Variants in CAMK2B observed in about 807,000 individuals in gnomAD.
The protein encoded by CAMK2B is calcium/calmodulin-dependent protein kinase type II subunit beta.
In CAMK2B, 27 loss-of-function variants were observed where a neutral mutation model predicts 93.7. That is an observed-to-expected ratio of 0.29 (90% confidence interval 0.21 to 0.40). The LOEUF (loss-of-function observed/expected upper bound fraction) is 0.40, where lower values mean the gene tolerates loss of function less well. CAMK2B is among the 10% of genes least tolerant of loss of function. CAMK2B has a pLI of 1.00. For missense variants in CAMK2B, 568 were observed against 895.8 expected, an observed-to-expected ratio of 0.63 and a Z score of 4.67; for synonymous variants, 374 against 358.8, an observed-to-expected ratio of 1.04 and a Z score of -0.48.
chr7:44,234,817 GC>G, intron 13 of CAMK2B, 141 bp from the exon 14 acceptor site: 1 of 870,156 alleles, frequency 1.1e-6, no homozygotes, highest in South Asian at 1.6e-5. Context: ...CAGCACCCAG[GC>G]TGGCTCTGAG....
At chr7:44,234,254 C>T (rs943588968) in intron 15 of CAMK2B, 136 bp downstream of exon 15, 15 of 712,008 alleles carry the variant, frequency 2.1e-5, no homozygotes, top group Non-Finnish European at 3.2e-5. Context: ...GGATGAGGGG[C>T]GGGGGCCATG....
chr7:44,234,184 C>A (rs2096604265), intron 15 of CAMK2B, among the ~76,000 whole-genome samples: 2 of 152,226 alleles, frequency 1.3e-5, no homozygotes, highest in African/African-American at 4.8e-5. Context: ...AGTCCTAAAC[C>A]TGTCTGAATT....
chr7:44,220,679 C>G lies in CAMK2B; in HGVS notation c.1705G>C (p.Glu569Gln). The G allele has an allele frequency of 6.2e-7, 1 of 1,613,578 alleles. No individual in the cohort carries two copies. Among genetic ancestry groups the G allele is most frequent in the Non-Finnish European group, 8.5e-7 (1 of 1,179,884 alleles). ...KICDPGLTSF[E>Q]PEALGNLVEG... ...ACCAGGTTGCCCAGTGCTTCAGGCTCAAACGAGGTCAGCCCTGGGTCACAG... is the reference window on the plus strand; with the variant it reads ...ACCAGGTTGCCCAGTGCTTCAGGCTGAAACGAGGTCAGCCCTGGGTCACAG... The change falls in exon 22 of 24, where the codon GAG (glutamate) becomes CAG (glutamine). Residue 569 changes from glutamate (E) to glutamine (Q), a missense_variant. Physicochemically the swap from Glu to Gln is conservative, Grantham distance 29 (BLOSUM62 2). Coordinates refer to ENST00000395749, the MANE Select transcript of CAMK2B (RefSeq NM_001220.5).
In CAMK2B at chr7:44,248,361, CGAGAGCCCGTGG is replaced by C. The variant is rs1395049599; in HGVS notation, c.342-1181_342-1170del. ...AGGGCCACGGAGCCCCTGCACACAC[CGAGAGCCCGTGG>C]CTTGAATCTGCTTCTGCCCAGGTGC... On this transcript the variant is annotated intron_variant, in intron 5 of 23. Coordinates refer to ENST00000395749, the MANE Select transcript of CAMK2B (RefSeq NM_001220.5). This position sits in a 1 kb window ranked among gnomAD's most constrained non-coding sequence, Gnocchi z 4.1. Among the ~76,000 whole-genome samples, 2 of 152,186 alleles carry C rather than the reference CGAGAGCCCGTGG, an allele frequency of 1.3e-5. No homozygotes were observed. Among genetic ancestry groups the C allele is most frequent in the African/African-American group, 4.8e-5 (2 of 41,452 alleles).
At chr7:44,237,332 G>A (rs1168067261) in intron 13 of CAMK2B, among the ~76,000 whole-genome samples, 5 of 152,222 alleles carry the variant, frequency 3.3e-5, no homozygotes, top group African/African-American at 9.7e-5. Context: ...CACAGCAGCA[G>A]TGGGAAATAA....
intron 1 of CAMK2B, among the ~76,000 whole-genome samples, chr7:44,294,857 T>C (rs568160796): frequency 3.9e-5 from 6 of 152,270 alleles, no homozygotes; most frequent in Non-Finnish European, 1.5e-5. Flanking sequence ...GTCAGCTGGG[T>C]CCCAGCAAAC....
intron 1 of CAMK2B, among the ~76,000 whole-genome samples, chr7:44,309,517 G>A (rs1051770757): frequency 2.0e-5 from 3 of 152,162 alleles, no homozygotes; most frequent in Non-Finnish European, 2.9e-5. Context: ...CAGCTCCGTC[G>A]CGCCCCTAAG....
chr7:44,232,183 G>A (rs2096585945), intron 16 of CAMK2B, among the ~76,000 whole-genome samples: 2 of 102,040 alleles, frequency 2.0e-5, no homozygotes, highest in South Asian at 8.0e-4. Flanking sequence ...AGGAAGTGGG[G>A]GGTCCCCACA....
intron 5 of CAMK2B, among the ~76,000 whole-genome samples, chr7:44,251,120 T>C (rs1220984869): frequency 6.6e-6 from 1 of 152,012 alleles, no homozygotes; most frequent in Non-Finnish European, 1.5e-5. Context: ...ATTAGTACAC[T>C]TGCCCTGGCT....
chr7:44,281,808 C>T (rs546229719), intron 2 of CAMK2B, among the ~76,000 whole-genome samples: 3 of 152,278 alleles, frequency 2.0e-5, no homozygotes, highest in Non-Finnish European at 2.9e-5. Flanking sequence ...CAGAGCTCAT[C>T]GAAGCTGACC....
chr7:44,244,833 G>A (rs915111790), intron 6 of CAMK2B: 3 of 424,392 alleles, frequency 7.1e-6, no homozygotes, highest in Non-Finnish European at 1.4e-5. Context: ...GGATGAGGCC[G>A]TGTGCCCCCT....
intron 9 of CAMK2B, 63 bp downstream of exon 9, chr7:44,242,497 G>A (rs1302824169): frequency 4.0e-6 from 6 of 1,512,416 alleles, no homozygotes; most frequent in Middle Eastern, 1.8e-4. Context: ...CTCTTCCCAC[G>A]CTGCCCTCAC....
intron 2 of CAMK2B, among the ~76,000 whole-genome samples, chr7:44,280,799 G>A (rs575559400): frequency 6.6e-6 from 1 of 152,250 alleles, no homozygotes; most frequent in African/African-American, 2.4e-5. Context: ...AACATCACCC[G>A]AGCACAAGAC....
chr7:44,324,158 A>G (rs1796866115), intron 1 of CAMK2B, among the ~76,000 whole-genome samples: 2 of 152,224 alleles, frequency 1.3e-5, no homozygotes, highest in South Asian at 4.1e-4. Flanking sequence ...CTCCACAATT[A>G]TCAATGATCA....
rs2096445193 is a variant in CAMK2B, at chr7:44,224,033, G to T, written c.1597+2483C>A. On this transcript the variant is annotated intron_variant, in intron 20 of 23. Coordinates refer to ENST00000395749, the MANE Select transcript of CAMK2B (RefSeq NM_001220.5). This position sits in a 1 kb window ranked among gnomAD's most constrained non-coding sequence, Gnocchi z 4.4. ...AAGTGAAACTAATCTTCTGTTTAAT[G>T]AAGTAATATGCAGTGCTTTTAAACA... is the stretch of plus-strand genomic sequence containing the variant. Among the ~76,000 whole-genome samples the T allele has an allele frequency of 6.6e-6, 1 of 152,246 alleles. No individual in the cohort carries two copies. Among genetic ancestry groups the T allele is most frequent in the African/African-American group, 2.4e-5 (1 of 41,468 alleles).
intron 6 of CAMK2B, among the ~76,000 whole-genome samples, chr7:44,245,935 G>GGT (rs1169736907): frequency 6.6e-6 from 1 of 152,112 alleles, no homozygotes; most frequent in Non-Finnish European, 1.5e-5. Flanking sequence ...CCTTGGGGAA[G>GGT]GTGGGGTTGA....
intron 1 of CAMK2B, among the ~76,000 whole-genome samples, chr7:44,317,212 C>T (rs1795006909): frequency 6.8e-6 from 1 of 146,906 alleles, no homozygotes; most frequent in Non-Finnish European, 1.5e-5. Context: ...ACAGCTATGA[C>T]TGTAACTATT....
chr7:44,254,702 C>A (rs2096816792), intron 4 of CAMK2B, 95 bp from the exon 5 acceptor site: 14 of 795,126 alleles, frequency 1.8e-5, no homozygotes, highest in Non-Finnish European at 2.9e-5. Context: ...TCACCACTAT[C>A]ATCACCATCA....
intron 12 of CAMK2B, among the ~76,000 whole-genome samples, chr7:44,240,450 G>A (rs1462852996): frequency 6.6e-6 from 1 of 152,274 alleles, no homozygotes; most frequent in African/African-American, 2.4e-5. Flanking sequence ...GGGCAGCACA[G>A]ACGCTCGTGT....
Sources: gnomAD v4.1 joint callset for allele counts (sites outside exome capture counted in the v4.1 genomes callset) on GRCh38, gnomAD v4.1.1 for gene constraint, Gnocchi (gnomAD v3.1) non-coding constraint, MANE v1.5 for transcripts, NCBI Gene and HGNC (gene_info 2026-07-23, HGNC 2026-07-21) for gene names.